EFNA5: variants seen among roughly 807,000 people sequenced by gnomAD.
The protein encoded by EFNA5 is ephrin A5, also known as ephrin-A5.
Under a neutral mutation model 22.9 loss-of-function variants are expected in EFNA5, and 5 were observed. That is an observed-to-expected ratio of 0.22 (90% CI 0.11 to 0.46). The LOEUF (loss-of-function observed/expected upper bound fraction) is 0.46. EFNA5 is among the 20% of genes least tolerant of loss of function. EFNA5 has a pLI of 0.99. For synonymous variants in EFNA5, 113 were observed against 112.2 expected (o/e 1.01, Z -0.04); for missense variants, 237 against 293.3 (o/e 0.81, Z 1.40).
chr5:107,641,005 T>C (rs1387030096), intron 1 of EFNA5, among the ~76,000 whole-genome samples: 1 of 141,354 alleles, frequency 7.1e-6, no homozygotes, highest in African/African-American at 2.6e-5. Context: ...GATAGATAGA[T>C]AGATAGATAG....
chr5:107,605,636 C>T (rs918643621), intron 1 of EFNA5, among the ~76,000 whole-genome samples: 4 of 151,618 alleles, frequency 2.6e-5, no homozygotes, highest in Non-Finnish European at 5.9e-5. Flanking sequence ...ATTGCCAGCA[C>T]CTTTCTCTTT....
rs186124410 is a variant in EFNA5, at chr5:107,578,440, A to C, written c.125+92049T>G. Among the ~76,000 whole-genome samples, 344 of 152,318 alleles carry C rather than the reference A, an allele frequency of 2.3e-3. 3 individuals are homozygous for C. The highest frequency in any genetic ancestry group is 6.9e-3 in the African/African-American group (288 of 41,564). On this transcript the variant is annotated intron_variant, in intron 1 of 4. Coordinates refer to ENST00000333274, the MANE Select transcript of EFNA5 (RefSeq NM_001962.3). ...GGACACCAACCCAGAGAGTCCCAAG[A>C]GGGGGCCACACGAGGCCAAAACCAG...
intron 1 of EFNA5, among the ~76,000 whole-genome samples, chr5:107,596,784 G>C (rs1323417074): frequency 6.6e-6 from 1 of 151,470 alleles, no homozygotes; most frequent in Non-Finnish European, 1.5e-5. Context: ...GTAGACATGA[G>C]GAAAAAAAAA....
intron 1 of EFNA5, among the ~76,000 whole-genome samples, chr5:107,456,570 T>C (rs1290601705): frequency 6.6e-6 from 1 of 152,120 alleles, no homozygotes; most frequent in Non-Finnish European, 1.5e-5. Context: ...CTGAAAAACA[T>C]TCCCTTTTAA....
intron 1 of EFNA5, among the ~76,000 whole-genome samples, chr5:107,519,764 T>C (rs1747556852): frequency 6.6e-6 from 1 of 152,238 alleles, no homozygotes; most frequent in South Asian, 2.1e-4. Flanking sequence ...TTTATTTGAA[T>C]ATTTTTACTT....
At chr5:107,543,439 G>T (rs934444369) in intron 1 of EFNA5, among the ~76,000 whole-genome samples, 15 of 152,186 alleles carry the variant, frequency 9.9e-5, no homozygotes, top group African/African-American at 3.6e-4. Context: ...GGATGGAAAT[G>T]AAGGGGAAAG....
intron 2 of EFNA5, among the ~76,000 whole-genome samples, chr5:107,402,722 T>TA (rs1178338783): frequency 1.8e-4 from 27 of 152,324 alleles, no homozygotes; most frequent in African/African-American, 6.5e-4. Flanking sequence ...ATTATACTGA[T>TA]ACATTTAAAG....
intron 1 of EFNA5, among the ~76,000 whole-genome samples, chr5:107,469,099 C>T (rs1750068390): frequency 6.6e-6 from 1 of 152,014 alleles, no homozygotes; most frequent in Non-Finnish European, 1.5e-5. Context: ...AATGTGGGGC[C>T]CCTTGTTAAA....
chr5:107,613,385 C>T (rs954818184), intron 1 of EFNA5, among the ~76,000 whole-genome samples: 1 of 151,844 alleles, frequency 6.6e-6, no homozygotes, highest in Admixed American at 6.6e-5. Context: ...GTAATTACTA[C>T]CACCAAATTA....
chr5:107,516,873 G>C (rs1157587328), intron 1 of EFNA5, among the ~76,000 whole-genome samples: 1 of 152,120 alleles, frequency 6.6e-6, no homozygotes. Flanking sequence ...TATATTCAGT[G>C]AAAGAAGTCA....
intron 1 of EFNA5, among the ~76,000 whole-genome samples, chr5:107,485,148 C>T (rs1015438106): frequency 6.6e-6 from 1 of 152,002 alleles, no homozygotes. Flanking sequence ...GTTCTTTTTC[C>T]TTGCACTTCT....
chr5:107,430,869 T>C (rs1748936072), intron 1 of EFNA5, among the ~76,000 whole-genome samples: 1 of 146,028 alleles, frequency 6.8e-6, no homozygotes, highest in Non-Finnish European at 1.5e-5. Context: ...CTCCGCCTCC[T>C]TAATTCAAGC....
At chr5:107,444,783 A>G (rs1372722312) in intron 1 of EFNA5, among the ~76,000 whole-genome samples, 1 of 152,158 alleles carries the variant, frequency 6.6e-6, no homozygotes, top group Non-Finnish European at 1.5e-5. Context: ...AACTGGCAAA[A>G]GGACACAGCC....
At chr5:107,447,950 C>G (rs975798772) in intron 1 of EFNA5, among the ~76,000 whole-genome samples, 1 of 151,988 alleles carries the variant, frequency 6.6e-6, no homozygotes, top group Middle Eastern at 3.4e-3. Context: ...CGGGTTCAAG[C>G]GATTCTCTGC....
intron 2 of EFNA5, among the ~76,000 whole-genome samples, chr5:107,408,871 G>A (rs533773835): frequency 4.6e-5 from 7 of 151,196 alleles, no homozygotes; most frequent in Non-Finnish European, 8.8e-5. Flanking sequence ...TGCAGTCCCT[G>A]CTCTCAGGGC....
chr5:107,422,768 A>T (rs760826557), intron 2 of EFNA5, among the ~76,000 whole-genome samples: 1 of 152,142 alleles, frequency 6.6e-6, no homozygotes, highest in African/African-American at 2.4e-5. Flanking sequence ...GTGAGACAGG[A>T]AGTCACTGGA....
intron 1 of EFNA5, among the ~76,000 whole-genome samples, chr5:107,579,598 A>T (rs1748999320): frequency 6.6e-6 from 1 of 150,622 alleles, no homozygotes; most frequent in Non-Finnish European, 1.5e-5. Flanking sequence ...TAATAATAAT[A>T]ATAAAAGCCA....
At chr5:107,662,437 C>T (rs1304572821) in intron 1 of EFNA5, among the ~76,000 whole-genome samples, 1 of 152,108 alleles carries the variant, frequency 6.6e-6, no homozygotes, top group Non-Finnish European at 1.5e-5. Flanking sequence ...TGTTCCCAGC[C>T]ATCATCAAAC....
chr5:107,508,719 T>C (rs1317455679), intron 1 of EFNA5, among the ~76,000 whole-genome samples: 1 of 152,242 alleles, frequency 6.6e-6, no homozygotes, highest in East Asian at 1.9e-4. Context: ...CAGAGTATAC[T>C]AAACAGCTAG....
Sources: allele counts gnomAD v4.1 joint callset (sites outside exome capture counted in the v4.1 genomes callset), GRCh38; gene constraint gnomAD v4.1.1; transcripts MANE v1.5; gene names NCBI Gene and HGNC (gene_info 2026-07-23, HGNC 2026-07-21).